The following AGBL1 variants were observed in gnomAD, a reference collection of about 807,000 sequenced individuals.
AGBL1 encodes the protein cytosolic carboxypeptidase 4.
A neutral mutation model predicts 118.9 loss-of-function variants in AGBL1; 130 were observed. That is an observed-to-expected ratio of 1.09 (90% CI 0.95 to 1.26). The LOEUF is 1.26. Among genes scored for constraint, AGBL1 ranks in the 50% most tolerant of loss-of-function variants. AGBL1 has a pLI of 0.00. For missense variants in AGBL1, 1,584 were observed against 1,298.1 expected (o/e 1.22, Z -3.38); for synonymous variants, 555 against 478.9 (o/e 1.16, Z -2.08).
At chr15:87,030,847 A>G (rs921170200), downstream of AGBL1, among the ~76,000 whole-genome samples, 3 of 151,676 alleles carry the variant, frequency 2.0e-5, no homozygotes, top group Non-Finnish European at 2.9e-5. Context: ...CTATTACTCT[A>G]CTCGCACCAA....
chr15:86,191,895 C>A (rs1321415013), intron 5 of AGBL1, among the ~76,000 whole-genome samples: 1 of 148,426 alleles, frequency 6.7e-6, no homozygotes, highest in Non-Finnish European at 1.5e-5. Context: ...CAACATAGAC[C>A]CTGTCTCTTA....
At chr15:86,394,807 C>T (rs2081338972) in intron 17 of AGBL1, among the ~76,000 whole-genome samples, 1 of 152,214 alleles carries the variant, frequency 6.6e-6, no homozygotes, top group African/African-American at 2.4e-5. Flanking sequence ...ATGAAACTGT[C>T]CCCTTTAATT....
intron 21 of AGBL1, among the ~76,000 whole-genome samples, chr15:86,663,407 G>A (rs1047749616): frequency 1.3e-5 from 2 of 152,048 alleles, no homozygotes; most frequent in African/African-American, 4.8e-5. Context: ...TCAAAATTAG[G>A]TCTGAGAGAA....
chr15:86,282,852 G>A (rs8031104), intron 16 of AGBL1, among the ~76,000 whole-genome samples: 72,451 of 152,036 alleles, frequency 0.48, 19,038 homozygotes, highest in Non-Finnish European at 0.6. Flanking sequence ...CATAATTTGC[G>A]AGTCTCCTAT....
In AGBL1 at chr15:86,696,024, T is replaced by C. The variant is rs556367015; in HGVS notation, c.3158+21588T>C. On this transcript the variant is annotated intron_variant, in intron 22 of 22. Coordinates refer to ENST00000614907, the MANE Select transcript of AGBL1 (RefSeq NM_001386094.1). ...TGTTTTGTGGCCTATCTTGGAGAAA[T>C]TTCCATGTGCTCATGAGTAGAATGC... 5.3e-5 allele frequency among the ~76,000 whole-genome samples: 8 copies of C among 151,696 alleles called. No homozygotes were observed. The South Asian group carries it at 6.2e-4, about 12-fold the overall frequency.
intron 22 of AGBL1, among the ~76,000 whole-genome samples, chr15:86,859,443 A>G (rs2079529779): frequency 6.6e-6 from 1 of 152,198 alleles, no homozygotes; most frequent in Non-Finnish European, 1.5e-5. Flanking sequence ...ATCATATAGA[A>G]GTAGTGTGAA....
intron 22 of AGBL1, among the ~76,000 whole-genome samples, chr15:86,842,306 A>G (rs2079257058): frequency 6.6e-6 from 1 of 152,178 alleles, no homozygotes; most frequent in Non-Finnish European, 1.5e-5. Context: ...TGGTATAGGA[A>G]TCACTGAAAA....
At chr15:86,707,532 T>G (rs2086474501) in intron 22 of AGBL1, among the ~76,000 whole-genome samples, 1 of 152,126 alleles carries the variant, frequency 6.6e-6, no homozygotes, top group Non-Finnish European at 1.5e-5. Context: ...AGATACTACA[T>G]TGTAGAAATG....
At chr15:86,575,225 G>A (rs1427124846) in intron 21 of AGBL1, among the ~76,000 whole-genome samples, 1 of 151,860 alleles carries the variant, frequency 6.6e-6, no homozygotes, top group Non-Finnish European at 1.5e-5. Context: ...TGGGCTGGGT[G>A]TGGTGGTGCA....
chr15:86,097,155 T>C (rs1254683906), intron 1 of AGBL1, among the ~76,000 whole-genome samples: 1 of 152,178 alleles, frequency 6.6e-6, no homozygotes, highest in Non-Finnish European at 1.5e-5. Flanking sequence ...GGATTGCTAT[T>C]CCTGATTCTT....
intron 3 of AGBL1, among the ~76,000 whole-genome samples, chr15:86,150,710 A>T (rs2077096157): frequency 6.6e-6 from 1 of 152,202 alleles, no homozygotes; most frequent in African/African-American, 2.4e-5. Context: ...AGCTTGTACC[A>T]TTCGTTCTGA....
At chr15:86,922,149 T>C (rs1020180764) in intron 23 of AGBL1, among the ~76,000 whole-genome samples, 1 of 152,222 alleles carries the variant, frequency 6.6e-6, no homozygotes, top group African/African-American at 2.4e-5. Context: ...AAAAGGCTAA[T>C]AAATATGAAA....
intron 22 of AGBL1, among the ~76,000 whole-genome samples, chr15:86,701,510 G>A (rs925167065): frequency 3.3e-5 from 5 of 152,076 alleles, no homozygotes; most frequent in African/African-American, 1.2e-4. Flanking sequence ...AGATTAAATT[G>A]TGAAACAATA....
At chr15:86,925,151 AGGAGGAG>A (rs2080520745) in intron 23 of AGBL1, among the ~76,000 whole-genome samples, 4 of 121,848 alleles carry the variant, frequency 3.3e-5, no homozygotes, top group Non-Finnish European at 4.8e-5. Flanking sequence ...GAAGAGGAGG[AGGAGGAG>A]GAGGAGGAGG....
intron 20 of AGBL1, among the ~76,000 whole-genome samples, chr15:86,550,853 A>G (rs959858320): frequency 7.9e-5 from 12 of 151,984 alleles, no homozygotes; most frequent in Non-Finnish European, 1.6e-4. Flanking sequence ...ATATCAATAT[A>G]TCTTAAGGGA....
chr15:86,363,161 GT>G (rs1466561124), intron 17 of AGBL1, among the ~76,000 whole-genome samples: 1 of 152,092 alleles, frequency 6.6e-6, no homozygotes, highest in Non-Finnish European at 1.5e-5. Flanking sequence ...CGTTGCCAGT[GT>G]TTTTCAATCT....
In AGBL1 at chr15:86,318,491, GT is replaced by G. The variant is rs954221384; in HGVS notation, c.2374+23094del. ...CTTTGACATATATCTTTTACTCAATGTTTTTTTTTTTCCCATTCATCCACAC... is the reference window on the plus strand; with the variant it reads ...CTTTGACATATATCTTTTACTCAATGTTTTTTTTTTCCCATTCATCCACAC... On this transcript the variant is annotated intron_variant, in intron 17 of 22. Transcript: ENST00000614907. Among the ~76,000 whole-genome samples the G allele has an allele frequency of 4.7e-3, 680 of 146,078 alleles. 6 individuals carry two copies. The highest frequency in any genetic ancestry group is 0.015 in the African/African-American group (605 of 40,138).
At chr15:86,808,367 C>T (rs1247633338) in intron 22 of AGBL1, among the ~76,000 whole-genome samples, 1 of 152,276 alleles carries the variant, frequency 6.6e-6, no homozygotes, top group East Asian at 1.9e-4. Context: ...ACCAAGATTT[C>T]ACTAGCATGT....
At chr15:86,363,798 C>T (rs371491385) in intron 17 of AGBL1, among the ~76,000 whole-genome samples, 122 of 152,194 alleles carry the variant, frequency 8.0e-4, no homozygotes, top group African/African-American at 2.7e-3. Flanking sequence ...TACCTCAGAG[C>T]CAGCATGGTG....
Sources: gnomAD v4.1 joint callset for allele counts (sites outside exome capture counted in the v4.1 genomes callset) on GRCh38, gnomAD v4.1.1 for gene constraint, MANE v1.5 for transcripts, NCBI Gene and HGNC (gene_info 2026-07-23, HGNC 2026-07-21) for gene names.